SUDS3: variants seen among roughly 807,000 people sequenced by gnomAD.
SUDS3 encodes the protein sin3 histone deacetylase corepressor complex component SDS3.
SUDS3 carries 23 observed loss-of-function variants against 53.5 expected under a neutral mutation model. That is an observed-to-expected ratio of 0.43 (90% confidence interval 0.31 to 0.61). The LOEUF is 0.61. Among genes scored for constraint, SUDS3 ranks in the 20% least tolerant of loss-of-function variants. The pLI, the probability that SUDS3 is intolerant of heterozygous loss-of-function variation, is 0.10. For missense variants in SUDS3, 291 were observed against 405.9 expected (o/e 0.72, Z 2.43); for synonymous variants, 150 against 148.5 (o/e 1.01, Z -0.08).
intron 6 of SUDS3, among the ~76,000 whole-genome samples, chr12:118,396,477 C>T (rs1271765633): frequency 6.6e-6 from 1 of 152,150 alleles, no homozygotes; most frequent in Admixed American, 6.5e-5. Flanking sequence ...TGGTCTTGAA[C>T]TCCTGGGCTC....
Position 118,414,626 on chromosome 12 carries a change from C to T in SUDS3, c.*193C>T. ...CTTCCAACTTTGTCAGTCTTTTCTG[C>T]CTCAACTTCTTCCAGACATCAGTCA... On this transcript the variant is annotated 3_prime_UTR_variant, in exon 12 of 12. Transcript: ENST00000543473. 2.1e-6 allele frequency: 1 copy of T among 475,052 alleles called. No individual in the cohort carries two copies. The highest frequency in any genetic ancestry group is 3.7e-6 in the Non-Finnish European group (1 of 270,438). The allele number at this position is 475,052 out of a possible 1,614,324, so 29.4% of individuals were successfully genotyped here.
At chr12:118,384,938 A>G (rs1306103526) in intron 3 of SUDS3, among the ~76,000 whole-genome samples, 2 of 152,032 alleles carry the variant, frequency 1.3e-5, no homozygotes, top group African/African-American at 4.8e-5. Context: ...CTCTTGTTTA[A>G]TCTGTTTTCT....
At chr12:118,390,660 A>G (rs1208675546) in intron 5 of SUDS3, among the ~76,000 whole-genome samples, 1 of 152,214 alleles carries the variant, frequency 6.6e-6, no homozygotes, top group East Asian at 1.9e-4. Context: ...AGATTTGAAA[A>G]GCGGAGGCAT....
In SUDS3 at chr12:118,403,389, A is replaced by T. The variant is rs758793111; in HGVS notation, c.698-23A>T. On this transcript the variant is annotated intron_variant, in intron 9 of 11. Transcript: ENST00000543473. ...GCATGTGTTTGTTACATTCTTAGTC[A>T]CGTAAGTATTGGTTTCCTCCAGCAT... 24 of 1,583,414 alleles carry T rather than the reference A, an allele frequency of 1.5e-5. No individual in the cohort carries two copies. The South Asian group carries it at 2.6e-4, about 17-fold the overall frequency.
chr12:118,398,321 C>T (rs148936041), intron 6 of SUDS3, among the ~76,000 whole-genome samples: 16 of 152,208 alleles, frequency 1.1e-4, no homozygotes, highest in East Asian at 7.7e-4. Context: ...GTCACACAGC[C>T]GTTGCAGGGA....
chr12:118,388,831 A>G (rs571468531), intron 4 of SUDS3, among the ~76,000 whole-genome samples: 2 of 152,280 alleles, frequency 1.3e-5, no homozygotes, highest in South Asian at 2.1e-4. Flanking sequence ...CTTACCACAT[A>G]TAGCCCTTCA....
chr12:118,413,875 C>T (rs78235276), intron 11 of SUDS3, among the ~76,000 whole-genome samples: 4,914 of 152,138 alleles, frequency 0.032, 281 homozygotes, highest in East Asian at 0.25. Flanking sequence ...TTCTGCACAA[C>T]CATTAGCCTT....
chr12:118,389,546 C>CT (rs1206145600), intron 4 of SUDS3, among the ~76,000 whole-genome samples: 1 of 149,004 alleles, frequency 6.7e-6, no homozygotes, highest in Non-Finnish European at 1.5e-5. Flanking sequence ...AGGTTTCGCT[C>CT]TGTCACCCAG....
chr12:118,381,452 G>A (rs929537540), intron 2 of SUDS3, among the ~76,000 whole-genome samples: 8 of 151,708 alleles, frequency 5.3e-5, no homozygotes, highest in Admixed American at 6.6e-5. Flanking sequence ...GCCTGATCTC[G>A]GCTCACTGCA....
intron 10 of SUDS3, among the ~76,000 whole-genome samples, chr12:118,409,788 C>T (rs955554735): frequency 2.0e-5 from 3 of 152,244 alleles, no homozygotes; most frequent in South Asian, 2.1e-4. Context: ...GCTGCAGCTC[C>T]GCTGATACTT....
At chr12:118,380,985 G>T (rs746936529) in intron 2 of SUDS3, among the ~76,000 whole-genome samples, 3 of 152,176 alleles carry the variant, frequency 2.0e-5, no homozygotes, top group Non-Finnish European at 4.4e-5. Flanking sequence ...TTACAGGCGC[G>T]AGCCACTGCG....
rs199695171 is a variant in SUDS3, at chr12:118,406,888, C to CA, written c.803+3372dup. Among the ~76,000 whole-genome samples, 1,425 of 148,406 alleles carry CA rather than the reference C, an allele frequency of 9.6e-3. 16 individuals are homozygous for CA. Among genetic ancestry groups the CA allele is most frequent in the African/African-American group, 0.033 (1,339 of 40,290 alleles). On this transcript the variant is annotated intron_variant, in intron 10 of 11. Coordinates refer to ENST00000543473, the MANE Select transcript of SUDS3 (RefSeq NM_022491.3). The stretch of plus-strand genomic sequence containing the variant: ...TCATCTTTAACCGCCCCCGCCCCCC[C>CA]ATATGAACACTTCATTTTTTATTTT...
chr12:118,396,068 G>A (rs745411359), intron 6 of SUDS3, among the ~76,000 whole-genome samples: 8 of 152,000 alleles, frequency 5.3e-5, no homozygotes, highest in East Asian at 1.9e-4. Context: ...CATTGATGGC[G>A]CCCTCCATCC....
In SUDS3 at chr12:118,414,623, C is replaced by G; in HGVS notation, c.*190C>G. ...ATGCTTCCAACTTTGTCAGTCTTTT[C>G]TGCCTCAACTTCTTCCAGACATCAG... On this transcript the variant is annotated 3_prime_UTR_variant, in exon 12 of 12. Coordinates refer to ENST00000543473, the MANE Select transcript of SUDS3 (RefSeq NM_022491.3). 2.1e-6 allele frequency: 1 copy of G among 478,032 alleles called. No homozygotes were observed. Among genetic ancestry groups the G allele is most frequent in the Non-Finnish European group, 3.7e-6 (1 of 272,268 alleles). 29.6% of individuals were successfully genotyped at this position (478,032 alleles called of 1,614,324 possible).
intron 10 of SUDS3, among the ~76,000 whole-genome samples, chr12:118,407,535 TG>T (rs1194627788): frequency 6.6e-6 from 1 of 152,196 alleles, no homozygotes; most frequent in Non-Finnish European, 1.5e-5. Context: ...TTGTTTACTC[TG>T]GGTGTTCGCT....
At chr12:118,407,496 A>G (rs1370056026) in intron 10 of SUDS3, among the ~76,000 whole-genome samples, 1 of 152,148 alleles carries the variant, frequency 6.6e-6, no homozygotes, top group East Asian at 1.9e-4. Context: ...GTTCCAGACC[A>G]CTTCCCAGAG....
At chr12:118,386,936 G>A (rs543853077) in intron 4 of SUDS3, among the ~76,000 whole-genome samples, 2 of 152,304 alleles carry the variant, frequency 1.3e-5, no homozygotes, top group African/African-American at 4.8e-5. Context: ...CTCATCATCA[G>A]CCAGCAGTTT....
chr12:118,398,150 C>G (rs2046232209), intron 6 of SUDS3, among the ~76,000 whole-genome samples: 3 of 152,086 alleles, frequency 2.0e-5, no homozygotes, highest in Admixed American at 6.6e-5. Context: ...ATAATAAAAA[C>G]TAGCATTGAT....
At chr12:118,395,361 G>T (rs1256524076) in intron 6 of SUDS3, among the ~76,000 whole-genome samples, 1 of 151,674 alleles carries the variant, frequency 6.6e-6, no homozygotes, top group Non-Finnish European at 1.5e-5. Context: ...GAGTAGCTGG[G>T]ACTACAGGCA....
Sources: gnomAD v4.1 joint callset for allele counts (sites outside exome capture counted in the v4.1 genomes callset) on GRCh38, gnomAD v4.1.1 for gene constraint, MANE v1.5 for transcripts, NCBI Gene and HGNC (gene_info 2026-07-23, HGNC 2026-07-21) for gene names.